Variants in VGLL4 observed in about 807,000 individuals in gnomAD.
VGLL4 encodes vestigial like family member 4.
Under a neutral mutation model 21.0 loss-of-function variants are expected in VGLL4, and 7 were observed. The ratio of observed to expected loss-of-function variants is 0.33; its 90% CI spans 0.19 to 0.63. The LOEUF is 0.63. VGLL4 is among the 20% of genes least tolerant of loss of function. The probability of loss-of-function intolerance (pLI) is 0.78; values close to 1 mark genes in which losing one functional copy is unlikely to be tolerated. For missense variants in VGLL4, 394 were observed against 425.7 expected, an observed-to-expected ratio of 0.93 and a Z score of 0.66; for synonymous variants, 222 against 173.2, an observed-to-expected ratio of 1.28 and a Z score of -2.21.
chr3:11,597,328 A>C (rs2074670106), intron 2 of VGLL4, among the ~76,000 whole-genome samples: 1 of 152,156 alleles, frequency 6.6e-6, no homozygotes, highest in South Asian at 2.1e-4. Context: ...CCAAACACAG[A>C]GTACTTTTCA....
chr3:11,670,195 C>A (rs964063207), intron 2 of VGLL4, among the ~76,000 whole-genome samples: 5 of 130,476 alleles, frequency 3.8e-5, no homozygotes, highest in African/African-American at 7.6e-5. Context: ...TTTTTCTACG[C>A]CCCTCCCACA....
chr3:11,642,126 C>CT (rs2075703364), intron 1 of VGLL4, among the ~76,000 whole-genome samples: 1 of 151,978 alleles, frequency 6.6e-6, no homozygotes, highest in South Asian at 2.1e-4. Flanking sequence ...AGTCGGCTGC[C>CT]TTTTTTAAGT....
upstream of VGLL4, among the ~76,000 whole-genome samples, chr3:11,648,074 T>C (rs1406359289): frequency 1.3e-5 from 2 of 152,058 alleles, no homozygotes; most frequent in Non-Finnish European, 2.9e-5. Flanking sequence ...AGCAACAGGA[T>C]AGTTTTGTAG....
chr3:11,608,062 G>C (rs935364323), intron 1 of VGLL4, among the ~76,000 whole-genome samples: 5 of 152,162 alleles, frequency 3.3e-5, no homozygotes, highest in Non-Finnish European at 7.3e-5. Context: ...AGTGCAAGAG[G>C]CTTTTCCCTC....
chr3:11,687,030 T>C (rs2076459007), intron 2 of VGLL4, among the ~76,000 whole-genome samples: 2 of 54,124 alleles, frequency 3.7e-5, no homozygotes, highest in African/African-American at 6.8e-5. Flanking sequence ...TATGGATTTG[T>C]AGCTCAAAGT....
chr3:11,605,961 C>T (rs1183911914), intron 1 of VGLL4, among the ~76,000 whole-genome samples: 3 of 152,130 alleles, frequency 2.0e-5, no homozygotes, highest in African/African-American at 7.2e-5. Context: ...CCAATAAGCA[C>T]ATGGAAAGAT....
chr3:11,564,652 G>A (rs1045612282), intron 3 of VGLL4, 145 bp downstream of exon 3: 29 of 829,078 alleles, frequency 3.5e-5, no homozygotes, highest in Non-Finnish European at 4.5e-5. Context: ...CAACAGAGGC[G>A]AAGGGTGGCA....
intron 1 of VGLL4, among the ~76,000 whole-genome samples, chr3:11,614,378 G>A (rs115909061): frequency 6.6e-6 from 1 of 152,228 alleles, no homozygotes; most frequent in African/African-American, 2.4e-5. Context: ...CCAAACAGGC[G>A]ATCTTGCTCT....
In VGLL4 at chr3:11,643,585, A is replaced by G. The variant is rs2075737378; in HGVS notation, c.-67T>C. ...CAAAAGAGTTAAGTTTCAAAAATCA[A>G]TTGTTGCTGAGTAGCTCCTGGCTCT... On this transcript the variant is annotated 5_prime_UTR_variant, in exon 1 of 5. Coordinates refer to ENST00000430365, the MANE Select transcript of VGLL4 (RefSeq NM_001128219.3). The G allele has an allele frequency of 6.2e-7, 1 of 1,608,194 alleles. No individual in the cohort carries two copies. Among genetic ancestry groups the G allele is most frequent in the South Asian group, 1.1e-5 (1 of 90,812 alleles).
Position 11,700,971 on chromosome 3 carries a change from T to C in VGLL4, c.64+2000A>G, listed in dbSNP as rs367883020. ...TCAAAAGCTAAGTAAGTGTGAATTA[T>C]ACAAGAGGTTGAAAAAACCTTACTA... On this transcript the variant is annotated intron_variant, in intron 2 of 5. Coordinates refer to the VGLL4 transcript ENST00000273038. 3.9e-5 allele frequency among the ~76,000 whole-genome samples: 6 copies of C among 152,260 alleles called. No individual in the cohort carries two copies. In the South Asian group the frequency reaches 1.0e-3, roughly 26 times the overall value.
intron 1 of VGLL4, among the ~76,000 whole-genome samples, chr3:11,716,546 A>G (rs1248486137): frequency 6.6e-6 from 1 of 152,174 alleles, no homozygotes; most frequent in Non-Finnish European, 1.5e-5. Context: ...TAGTGAGTAG[A>G]CAAATTTATA....
intron 1 of VGLL4, among the ~76,000 whole-genome samples, chr3:11,605,099 C>CATT (rs1559894747): frequency 8.9e-5 from 3 of 33,842 alleles, no homozygotes; most frequent in Admixed American, 5.5e-4. Context: ...TCCAAAGCGC[C>CATT]CCCACGCCCA....
chr3:11,693,096 A>G (rs1422347700), intron 2 of VGLL4: 3 of 206,336 alleles, frequency 1.5e-5, no homozygotes, highest in African/African-American at 2.4e-5. Flanking sequence ...CTTGAGCCCC[A>G]GGGGGCGGAG....
At chr3:11,575,285 T>C (rs1280686426) in intron 2 of VGLL4, among the ~76,000 whole-genome samples, 2 of 152,234 alleles carry the variant, frequency 1.3e-5, no homozygotes, top group African/African-American at 4.8e-5. Flanking sequence ...GCTGCTCTCC[T>C]GTCAGTGTGG....
chr3:11,637,239 T>C lies in VGLL4; in HGVS notation c.82+6198A>G, dbSNP rs144767175. ...CCATAGTCACCGGGTTGTTCATTTC[T>C]CTAACCATAAAATACACATTTTTAT... is the stretch of plus-strand genomic sequence containing the variant. On this transcript the variant is annotated intron_variant, in intron 1 of 4. Transcript: ENST00000430365. 2.5e-3 allele frequency among the ~76,000 whole-genome samples: 377 copies of C among 152,330 alleles called. 2 individuals are homozygous for C. The highest frequency in any genetic ancestry group is 0.017 in the Middle Eastern group (5 of 294).
intron 2 of VGLL4, among the ~76,000 whole-genome samples, chr3:11,689,642 G>A (rs1240194177): frequency 1.3e-5 from 2 of 152,260 alleles, no homozygotes; most frequent in Non-Finnish European, 2.9e-5. Flanking sequence ...CTCCTCAAAT[G>A]TCTGGTGATC....
chr3:11,652,828 G>T (rs944726833), intron 2 of VGLL4, among the ~76,000 whole-genome samples: 1 of 152,150 alleles, frequency 6.6e-6, no homozygotes, highest in Admixed American at 6.5e-5. Context: ...TACAACTACT[G>T]TCTTACATGT....
At chr3:11,713,630 G>A (rs2076881110) in intron 1 of VGLL4, among the ~76,000 whole-genome samples, 1 of 148,276 alleles carries the variant, frequency 6.7e-6, no homozygotes, top group African/African-American at 2.5e-5. Context: ...TCAGGTACCT[G>A]CCAACCTCAA....
intron 2 of VGLL4, among the ~76,000 whole-genome samples, chr3:11,690,531 C>A (rs569185261): frequency 3.9e-5 from 6 of 152,140 alleles, no homozygotes; most frequent in African/African-American, 1.4e-4. Context: ...ATTCTGCTTG[C>A]TAGTGAACAG....
Sources: allele counts gnomAD v4.1 joint callset (sites outside exome capture counted in the v4.1 genomes callset), GRCh38; gene constraint gnomAD v4.1.1; transcripts MANE v1.5; gene names NCBI Gene and HGNC (gene_info 2026-07-23, HGNC 2026-07-21).